The following KCTD1 variants were observed in gnomAD, a reference collection of about 807,000 sequenced individuals.
KCTD1 encodes BTB/POZ domain-containing protein KCTD1.
Under a neutral mutation model 66.0 loss-of-function variants are expected in KCTD1, and 24 were observed. The observed-to-expected ratio is 0.36, with a 90% CI of 0.26 to 0.51. KCTD1 has a LOEUF of 0.51. KCTD1 is among the 20% of genes least tolerant of loss of function. The pLI, the probability that KCTD1 is intolerant of heterozygous loss-of-function variation, is 0.95. For synonymous variants in KCTD1, 511 were observed against 517.2 expected (o/e 0.99, Z 0.16); for missense variants, 943 against 1,205.2 (o/e 0.78, Z 3.22).
chr18:26,560,186 T>A (rs569326856), intron 1 of KCTD1, among the ~76,000 whole-genome samples: 68 of 151,838 alleles, frequency 4.5e-4, no homozygotes, highest in South Asian at 1.0e-3. Context: ...GCAATTTTTT[T>A]AAAGTATTTA....
At chr18:26,651,030 C>T (rs891952332) in intron 1 of KCTD1, among the ~76,000 whole-genome samples, 2 of 152,232 alleles carry the variant, frequency 1.3e-5, no homozygotes, top group African/African-American at 2.4e-5. Context: ...TGTGAGCAAA[C>T]GATTTGCTCA....
At chr18:26,606,095 A>G (rs1405466859) in intron 1 of KCTD1, among the ~76,000 whole-genome samples, 1 of 152,192 alleles carries the variant, frequency 6.6e-6, no homozygotes, top group Non-Finnish European at 1.5e-5. Flanking sequence ...CTGATTGGCA[A>G]TTGGTTGAAA....
At chr18:26,492,906 A>G (rs28691835) in intron 2 of KCTD1, among the ~76,000 whole-genome samples, 95,869 of 152,034 alleles carry the variant, frequency 0.63, 30,598 homozygotes, top group African/African-American at 0.68. Context: ...AATAAACCCA[A>G]CCCAGCCTTT....
chr18:26,567,295 G>T (rs1207278515), intron 1 of KCTD1, among the ~76,000 whole-genome samples: 1 of 152,154 alleles, frequency 6.6e-6, no homozygotes, highest in Non-Finnish European at 1.5e-5. Flanking sequence ...ATTCAAAGGT[G>T]CTGAAATCAG....
chr18:26,629,804 A>G (rs944933226), upstream of KCTD1, among the ~76,000 whole-genome samples: 2 of 149,762 alleles, frequency 1.3e-5, no homozygotes, highest in African/African-American at 4.9e-5. Flanking sequence ...TGCAACCTCT[A>G]CCTCCTGGGT....
chr18:26,478,167 T>C (rs963363521), intron 2 of KCTD1, among the ~76,000 whole-genome samples: 4 of 152,222 alleles, frequency 2.6e-5, no homozygotes, highest in Non-Finnish European at 5.9e-5. Context: ...ACATGATAAA[T>C]TTCCAGTTGA....
chr18:26,457,020 T>A (rs1199875703), intron 4 of KCTD1: 2 of 151,878 alleles, frequency 1.3e-5, no homozygotes, highest in Admixed American at 6.6e-5. Context: ...CTTACTTTTT[T>A]AAAAAGTATT....
chr18:26,467,662 A>G (rs1980816420), intron 3 of KCTD1, among the ~76,000 whole-genome samples: 1 of 151,994 alleles, frequency 6.6e-6, no homozygotes, highest in Non-Finnish European at 1.5e-5. Context: ...TAAAAATACA[A>G]AAGTTAGCTG....
intron 1 of KCTD1, among the ~76,000 whole-genome samples, chr18:26,583,884 C>T (rs2144928852): frequency 6.6e-6 from 1 of 152,288 alleles, no homozygotes; most frequent in Non-Finnish European, 1.5e-5. Context: ...GTAATGGTAG[C>T]TGTTTTCTTA....
At chr18:26,482,315 C>T (rs867367048) in intron 2 of KCTD1, among the ~76,000 whole-genome samples, 15 of 152,184 alleles carry the variant, frequency 9.9e-5, no homozygotes, top group Admixed American at 3.3e-4. Flanking sequence ...AGATACCCTA[C>T]ACTGAACTGA....
chr18:26,532,257 CCTTCTTTTTTTTT>C (rs201718347), intron 1 of KCTD1, among the ~76,000 whole-genome samples: 51,711 of 128,066 alleles, frequency 0.4, 10,561 homozygotes, highest in East Asian at 0.58. Flanking sequence ...TCTTTTCTTT[CCTTCTTTTTTTTT>C]TTTTTTTTTT....
At chr18:26,652,884 G>A (rs117031446) in intron 1 of KCTD1, among the ~76,000 whole-genome samples, 73 of 152,242 alleles carry the variant, frequency 4.8e-4, no homozygotes, top group Non-Finnish European at 8.4e-4. Flanking sequence ...GAATTCCCGC[G>A]TCTATTCAAT....
At chr18:26,505,115 G>A (rs1982963781) in intron 1 of KCTD1, among the ~76,000 whole-genome samples, 1 of 152,246 alleles carries the variant, frequency 6.6e-6, no homozygotes, top group South Asian at 2.1e-4. Context: ...CACCTGTCTT[G>A]ATAAGGAATC....
At chr18:26,625,804 C>T (rs1291071729) in intron 1 of KCTD1, among the ~76,000 whole-genome samples, 2 of 152,074 alleles carry the variant, frequency 1.3e-5, no homozygotes. Context: ...CCTCTCTGGT[C>T]CCCCTTCCTA....
chr18:26,608,651 ATG>A (rs775888566), intron 1 of KCTD1, among the ~76,000 whole-genome samples: 1 of 151,768 alleles, frequency 6.6e-6, no homozygotes, highest in Non-Finnish European at 1.5e-5. Flanking sequence ...GTTGTATTTT[ATG>A]TGTCAGTCCC....
chr18:26,522,115 C>A (rs909904116), intron 1 of KCTD1, among the ~76,000 whole-genome samples: 1 of 152,146 alleles, frequency 6.6e-6, no homozygotes, highest in African/African-American at 2.4e-5. Flanking sequence ...GAACTGTGTC[C>A]TCCAAACACT....
chr18:26,628,133 T>C (rs1987542656), intron 1 of KCTD1, among the ~76,000 whole-genome samples: 1 of 152,244 alleles, frequency 6.6e-6, no homozygotes, highest in African/African-American at 2.4e-5. Flanking sequence ...GTGTTCTCTA[T>C]GTAAGATACA....
intron 2 of KCTD1, among the ~76,000 whole-genome samples, chr18:26,483,251 G>T (rs1981740165): frequency 1.3e-5 from 2 of 152,104 alleles, no homozygotes; most frequent in Non-Finnish European, 2.9e-5. Flanking sequence ...CTGATTTAAA[G>T]AGTATTTTTC....
At chr18:26,497,642 C>T (rs1264815605) in intron 2 of KCTD1, among the ~76,000 whole-genome samples, 4 of 152,116 alleles carry the variant, frequency 2.6e-5, no homozygotes, top group Non-Finnish European at 5.9e-5. Flanking sequence ...CAAAAATACG[C>T]CCCCCAAAAC....
Sources: allele counts gnomAD v4.1 joint callset (sites outside exome capture counted in the v4.1 genomes callset), GRCh38; gene constraint gnomAD v4.1.1; transcripts MANE v1.5; gene names NCBI Gene and HGNC (gene_info 2026-07-23, HGNC 2026-07-21).